TRMT11: variants seen among roughly 807,000 people sequenced by gnomAD.
TRMT11 encodes tRNA (guanine(10)-N(2))-methyltransferase TRMT11.
TRMT11 carries 53 observed loss-of-function variants against 62.8 expected under a neutral mutation model. The observed-to-expected ratio is 0.84, with a 90% CI of 0.68 to 1.06. The LOEUF is 1.06. Ranked by LOEUF, TRMT11 falls within the 50% of genes least tolerant of loss-of-function variation. The probability of loss-of-function intolerance (pLI) is 0.00; values close to 1 mark genes in which losing one functional copy is unlikely to be tolerated. For missense variants in TRMT11, 556 were observed against 553.4 expected, an observed-to-expected ratio of 1.00 and a Z score of -0.05; for synonymous variants, 188 against 190.3, an observed-to-expected ratio of 0.99 and a Z score of 0.10.
chr6:126,032,168 A>G (rs1395699953), intron 12 of TRMT11, among the ~76,000 whole-genome samples: 2 of 152,106 alleles, frequency 1.3e-5, no homozygotes, highest in African/African-American at 2.4e-5. Flanking sequence ...AGGCTGCTGT[A>G]ATAATCTTCT....
chr6:126,220,307 A>C, the TRMT11 span, among the ~76,000 whole-genome samples: 71 of 152,358 alleles, frequency 4.7e-4, no homozygotes, highest in Middle Eastern at 3.4e-3. Flanking sequence ...TTTTCACTTT[A>C]AAACTGAATA....
chr6:126,140,555 G>A (rs1777906030), intron 21 of TRMT11, among the ~76,000 whole-genome samples: 1 of 152,030 alleles, frequency 6.6e-6, no homozygotes, highest in Admixed American at 6.6e-5. Flanking sequence ...GGTTACTGAT[G>A]TGCGTGTTTT....
the TRMT11 span, among the ~76,000 whole-genome samples, chr6:126,266,746 A>G: frequency 6.6e-6 from 1 of 152,136 alleles, no homozygotes. Context: ...ATAATAATCA[A>G]CTGTTTCCAG....
chr6:126,048,590 C>A (rs535297425), intron 16 of TRMT11, among the ~76,000 whole-genome samples: 2 of 152,274 alleles, frequency 1.3e-5, no homozygotes, highest in African/African-American at 4.8e-5. Flanking sequence ...CTAGCACCAT[C>A]CAGATTGCCA....
chr6:126,248,720 TG>T, the TRMT11 span, among the ~76,000 whole-genome samples: 1 of 152,198 alleles, frequency 6.6e-6, no homozygotes, highest in Admixed American at 6.5e-5. Flanking sequence ...TTCCTGAACA[TG>T]GAACACTGCC....
chr6:126,039,430 C>A (rs527722456), downstream of TRMT11, among the ~76,000 whole-genome samples: 1 of 152,102 alleles, frequency 6.6e-6, no homozygotes, highest in Non-Finnish European at 1.5e-5. Flanking sequence ...TCCTTAAGGC[C>A]TGTCTACATT....
chr6:125,989,969 A>C (rs536940963), intron 1 of TRMT11, among the ~76,000 whole-genome samples: 1 of 152,330 alleles, frequency 6.6e-6, no homozygotes, highest in South Asian at 2.1e-4. Flanking sequence ...GTATTCATTT[A>C]GAGTTAATCA....
At chr6:126,196,545 T>A (rs1778668328) in intron 1 of TRMT11, among the ~76,000 whole-genome samples, 1 of 151,996 alleles carries the variant, frequency 6.6e-6, no homozygotes, top group South Asian at 2.1e-4. Context: ...TTAATAGTAT[T>A]TGACATAACT....
chr6:126,075,520 G>A (rs374276554), intron 17 of TRMT11, among the ~76,000 whole-genome samples: 2 of 151,942 alleles, frequency 1.3e-5, no homozygotes, highest in East Asian at 1.9e-4. Flanking sequence ...GCCACGTGGT[G>A]CTTGCCTGCT....
At chr6:126,162,125 A>G (rs1240420977) in intron 21 of TRMT11, among the ~76,000 whole-genome samples, 1 of 152,132 alleles carries the variant, frequency 6.6e-6, no homozygotes, top group African/African-American at 2.4e-5. Context: ...TTAGTCATGA[A>G]GTCTTTGCCC....
chr6:126,161,605 G>A (rs1026050042), intron 21 of TRMT11, among the ~76,000 whole-genome samples: 3 of 152,128 alleles, frequency 2.0e-5, no homozygotes, highest in Admixed American at 6.5e-5. Context: ...CCAGTAATGG[G>A]ATGGCTGGGT....
chr6:126,171,920 T>C (rs1031792003), intron 21 of TRMT11, among the ~76,000 whole-genome samples: 2 of 152,022 alleles, frequency 1.3e-5, no homozygotes, highest in African/African-American at 2.4e-5. Flanking sequence ...GGTTTCATCA[T>C]ATTGGCTAGG....
At chr6:126,222,867 G>T in the TRMT11 span, among the ~76,000 whole-genome samples, 2 of 151,452 alleles carry the variant, frequency 1.3e-5, no homozygotes, top group East Asian at 3.9e-4. Context: ...CTGACATCTT[G>T]TTGTTACCTG....
chr6:126,130,183 G>A (rs1374697610), intron 21 of TRMT11, among the ~76,000 whole-genome samples: 1 of 152,008 alleles, frequency 6.6e-6, no homozygotes, highest in Non-Finnish European at 1.5e-5. Flanking sequence ...TTGTATATAT[G>A]AGAAAATATA....
At chr6:126,023,566 T>G (rs1327911991) in intron 12 of TRMT11, among the ~76,000 whole-genome samples, 1 of 152,112 alleles carries the variant, frequency 6.6e-6, no homozygotes, top group Non-Finnish European at 1.5e-5. Context: ...GAGAATCACT[T>G]GAACCGGGGA....
chr6:126,151,830 CTTT>C lies in TRMT11; in HGVS notation c.*1824-22994_*1824-22992del, dbSNP rs1562334749. ...CTTTTCTTTCTTTCTTTCTTTCTTT[CTTT>C]CTTTCTTTCTTTCTTTCTTTCTTTC... On this transcript the variant is annotated intron_variant and NMD_transcript_variant, in intron 21 of 22. Transcript: ENST00000648977. 8.8e-3 allele frequency among the ~76,000 whole-genome samples: 984 copies of C among 112,364 alleles called. 46 individuals are homozygous for C. Among genetic ancestry groups the C allele is most frequent in the African/African-American group, 0.034 (916 of 26,636 alleles). The allele number at this position is 112,364 out of a possible 152,430, so 73.7% of individuals were successfully genotyped here.
chr6:126,204,675 G>A (rs2128254315), downstream of TRMT11, among the ~76,000 whole-genome samples: 1 of 152,298 alleles, frequency 6.6e-6, no homozygotes, highest in Middle Eastern at 3.4e-3. Flanking sequence ...GTCTTGGGGT[G>A]GTGAGATTTC....
In TRMT11 at chr6:126,004,091, G is replaced by A. The variant is rs567930169; in HGVS notation, c.680-4301G>A. Among the ~76,000 whole-genome samples the A allele has an allele frequency of 5.3e-5, 8 of 151,994 alleles. No individual in the cohort carries two copies. The South Asian group carries it at 1.5e-3, about 28-fold the overall frequency. ...TTTAAAAACTTTTTTTGTCAATTGA[G>A]AATAATTCTTTTAGATATATACATG... On this transcript the variant is annotated intron_variant, in intron 7 of 12. Coordinates refer to ENST00000334379, the MANE Select transcript of TRMT11 (RefSeq NM_001031712.3).
At chr6:126,122,478 A>G (rs772042965) in intron 21 of TRMT11, among the ~76,000 whole-genome samples, 1 of 152,130 alleles carries the variant, frequency 6.6e-6, no homozygotes, top group African/African-American at 2.4e-5. Flanking sequence ...TGAAAATATT[A>G]TATGTAAGAA....
Sources: allele counts gnomAD v4.1 joint callset (sites outside exome capture counted in the v4.1 genomes callset), GRCh38; gene constraint gnomAD v4.1.1; transcripts MANE v1.5; gene names NCBI Gene and HGNC (gene_info 2026-07-23, HGNC 2026-07-21).